TAOK1: variants seen among roughly 807,000 people sequenced by gnomAD.
The protein encoded by TAOK1 is TAO kinase 1.
A neutral mutation model predicts 138.3 loss-of-function variants in TAOK1; 21 were observed. That is an observed-to-expected ratio of 0.15 (90% confidence interval 0.11 to 0.22). The LOEUF is 0.22. Among genes scored for constraint, TAOK1 ranks in the 10% least tolerant of loss-of-function variants. The probability of loss-of-function intolerance (pLI) is 1.00; values close to 1 mark genes in which losing one functional copy is unlikely to be tolerated. For missense variants in TAOK1, 651 were observed against 1,227.7 expected (o/e 0.53, Z 7.02); for synonymous variants, 361 against 398.4 (o/e 0.91, Z 1.12).
intron 1 of TAOK1, among the ~76,000 whole-genome samples, chr17:29,402,451 C>T (rs567476509): frequency 6.6e-5 from 10 of 151,936 alleles, no homozygotes; most frequent in Non-Finnish European, 1.2e-4. Context: ...TACAGTCATG[C>T]GCCACCATAC....
chr17:29,469,366 A>T (rs1162721763), intron 3 of TAOK1, among the ~76,000 whole-genome samples: 2 of 152,160 alleles, frequency 1.3e-5, no homozygotes, highest in African/African-American at 4.8e-5. Context: ...TTTCAATTCC[A>T]CATTTCAGTG....
intron 2 of TAOK1, among the ~76,000 whole-genome samples, chr17:29,455,188 G>T (rs1567722998): frequency 6.6e-6 from 1 of 151,568 alleles, no homozygotes; most frequent in East Asian, 1.9e-4. Context: ...TGGGATTACA[G>T]GTGTGAGCCA....
intron 2 of TAOK1, among the ~76,000 whole-genome samples, chr17:29,462,435 A>G (rs146918299): frequency 1.0e-3 from 157 of 152,332 alleles, no homozygotes; most frequent in African/African-American, 3.3e-3. Flanking sequence ...GCCAAAGAGA[A>G]CACTGGCTTG....
Position 29,523,418 on chromosome 17 carries a change from C to T in TAOK1, c.2148+899C>T, listed in dbSNP as rs992667132. On this transcript the variant is annotated intron_variant, in intron 17 of 19. Transcript: ENST00000261716. Reference sequence around the variant, plus strand: ...TTTGTTTGTTTTTGAGACAGAGTCTCGCTCTTTCGCCCAGGCTGGAGTGCA... The same window carrying T: ...TTTGTTTGTTTTTGAGACAGAGTCTTGCTCTTTCGCCCAGGCTGGAGTGCA... Among the ~76,000 whole-genome samples, 7 of 152,228 alleles carry T rather than the reference C, an allele frequency of 4.6e-5. No homozygotes were observed. The East Asian group carries it at 1.2e-3, about 25-fold the overall frequency.
At position 29,504,242 on chromosome 17, in the gene TAOK1, A is replaced by G. The variant is rs1188273192; in HGVS notation, c.1338+1519A>G. On this transcript the variant is annotated intron_variant, in intron 13 of 19. Transcript: ENST00000261716. ...CAGTGAGCCGAGATCACGCCACTGC[A>G]CTCCAGCCTGGGTGACAGTGCCAGA... is the stretch of plus-strand genomic sequence containing the variant. 2.9e-5 allele frequency among the ~76,000 whole-genome samples: 4 copies of G among 138,040 alleles called. 1 individual carries two copies. The Admixed American group carries it at 3.3e-4, about 11-fold the overall frequency. 90.6% of individuals were successfully genotyped at this position (138,040 alleles called of 152,430 possible). A position where few individuals can be genotyped will look rare whatever the true frequency, so the allele number is the denominator to read the frequency against.
chr17:29,461,351 T>C (rs1162111619), intron 2 of TAOK1, among the ~76,000 whole-genome samples: 1 of 152,216 alleles, frequency 6.6e-6, no homozygotes, highest in Non-Finnish European at 1.5e-5. Flanking sequence ...AGAAGTGTTT[T>C]AGGACTAAGG....
intron 13 of TAOK1, among the ~76,000 whole-genome samples, chr17:29,507,080 G>A (rs935859808): frequency 1.3e-5 from 2 of 152,220 alleles, no homozygotes; most frequent in Non-Finnish European, 2.9e-5. Flanking sequence ...GTTACCAGGA[G>A]GGGAGAATGG....
chr17:29,439,413 C>A (rs1238342787), intron 1 of TAOK1, among the ~76,000 whole-genome samples: 1 of 152,036 alleles, frequency 6.6e-6, no homozygotes, highest in Non-Finnish European at 1.5e-5. Context: ...CCATGTTGAT[C>A]AGGCTGGTCT....
chr17:29,450,872 G>A (rs1414018943), intron 1 of TAOK1, among the ~76,000 whole-genome samples: 1 of 152,148 alleles, frequency 6.6e-6, no homozygotes, highest in African/African-American at 2.4e-5. Flanking sequence ...TAGGACAACT[G>A]CCAGGAAGTT....
intron 14 of TAOK1, 81 bp downstream of exon 14, chr17:29,508,213 G>T: frequency 8.0e-7 from 1 of 1,242,394 alleles, no homozygotes; most frequent in Non-Finnish European, 1.2e-6. Context: ...TTTGATGTTA[G>T]CGTATCTGTT....
chr17:29,428,778 A>C (rs1165747069), intron 1 of TAOK1, among the ~76,000 whole-genome samples: 1 of 139,334 alleles, frequency 7.2e-6, no homozygotes, highest in Non-Finnish European at 1.5e-5. Flanking sequence ...TGCGCACCAC[A>C]ACACCTGACT....
intron 8 of TAOK1, among the ~76,000 whole-genome samples, chr17:29,489,063 C>A (rs2031241324): frequency 6.6e-6 from 1 of 152,122 alleles, no homozygotes; most frequent in African/African-American, 2.4e-5. Flanking sequence ...AGTCTTATAT[C>A]ACTATTAAAT....
At position 29,446,653 on chromosome 17, in the gene TAOK1, C is replaced by T. The variant is rs190654907; in HGVS notation, c.-94-4802C>T. On this transcript the variant is annotated intron_variant, in intron 1 of 19. Coordinates refer to ENST00000261716, the MANE Select transcript of TAOK1 (RefSeq NM_020791.4). ...CATTCACTTTCCAAATGCAGTCATG[C>T]ACCATGTAACGATGTTTTCAGTCAA... Among the ~76,000 whole-genome samples the T allele has an allele frequency of 1.1e-4, 16 of 152,256 alleles. No homozygotes were observed. The East Asian group carries it at 2.7e-3, about 26-fold the overall frequency.
intron 1 of TAOK1, among the ~76,000 whole-genome samples, chr17:29,424,117 A>G (rs1905556476): frequency 6.6e-6 from 1 of 151,464 alleles, no homozygotes; most frequent in African/African-American, 2.4e-5. Flanking sequence ...TGTTCTGTAC[A>G]TACTTGAGAA....
At chr17:29,453,692 T>C (rs891596784) in intron 2 of TAOK1, among the ~76,000 whole-genome samples, 3 of 151,856 alleles carry the variant, frequency 2.0e-5, no homozygotes, top group African/African-American at 7.3e-5. Context: ...TTCTCCTGCC[T>C]CAACCTCTCG....
At chr17:29,401,414 GGAGA>G (rs1904835654) in intron 1 of TAOK1, among the ~76,000 whole-genome samples, 3 of 152,146 alleles carry the variant, frequency 2.0e-5, no homozygotes, top group Non-Finnish European at 2.9e-5. Flanking sequence ...ATGGTTGGCA[GGAGA>G]GAGAGGGAGA....
chr17:29,548,010 T>C lies in TAOK1; in HGVS notation c.*4988T>C, dbSNP rs752941003. 6 of 152,162 alleles carry C rather than the reference T, an allele frequency of 3.9e-5. No homozygotes were observed. Among genetic ancestry groups the C allele is most frequent in the Non-Finnish European group, 8.8e-5 (6 of 67,996 alleles). The allele number at this position is 152,162 out of a possible 1,614,324, so 9.4% of individuals were successfully genotyped here. A position where few individuals can be genotyped will look rare whatever the true frequency, so the allele number is the denominator to read the frequency against. On this transcript the variant is annotated 3_prime_UTR_variant, in exon 20 of 20. Transcript: ENST00000261716. ...ACTATTAATTTGTAAAGAAGTAAGT[T>C]TTATTAAACACTGTCTAGAAAAAGA...
chr17:29,423,557 G>A (rs1598475079), intron 1 of TAOK1, among the ~76,000 whole-genome samples: 1 of 151,808 alleles, frequency 6.6e-6, no homozygotes. Flanking sequence ...ATTTTCCTGT[G>A]TCCCTGTATT....
rs186493170 is a variant in TAOK1, at chr17:29,503,213, G to A, written c.1338+490G>A. On this transcript the variant is annotated intron_variant, in intron 13 of 19. Transcript: ENST00000261716. Reference sequence around the variant, plus strand: ...AGATCGAGACCATCTTGGCTAACACGATGAAACCCCATCTCTACTAAAAAT... The same window carrying A: ...AGATCGAGACCATCTTGGCTAACACAATGAAACCCCATCTCTACTAAAAAT... Among the ~76,000 whole-genome samples the A allele has an allele frequency of 2.8e-4, 43 of 151,930 alleles. No homozygotes were observed. In the East Asian group the frequency reaches 8.2e-3, roughly 29 times the overall value.
Sources: allele counts gnomAD v4.1 joint callset (sites outside exome capture counted in the v4.1 genomes callset), GRCh38; gene constraint gnomAD v4.1.1; transcripts MANE v1.5; gene names NCBI Gene and HGNC (gene_info 2026-07-23, HGNC 2026-07-21).